The following FRAS1 variants were observed in gnomAD, a reference collection of about 807,000 sequenced individuals.
The protein encoded by FRAS1 is extracellular matrix organizing protein FRAS1.
A neutral mutation model predicts 435.2 loss-of-function variants in FRAS1; 290 were observed. The observed-to-expected ratio is 0.67, with a 90% confidence interval of 0.61 to 0.73. FRAS1 has a LOEUF of 0.73. Among genes scored for constraint, FRAS1 ranks in the 30% least tolerant of loss-of-function variants. The probability of loss-of-function intolerance (pLI) is 0.00; values close to 1 mark genes in which losing one functional copy is unlikely to be tolerated. For synonymous variants in FRAS1, 1,800 were observed against 1,851.0 expected (o/e 0.97, Z 0.71); for missense variants, 4,860 against 5,001.5 (o/e 0.97, Z 0.85).
At chr4:78,117,798 GT>G (rs1484326719) in intron 2 of FRAS1, among the ~76,000 whole-genome samples, 2 of 152,218 alleles carry the variant, frequency 1.3e-5, no homozygotes, top group African/African-American at 4.8e-5. Flanking sequence ...GCTCGGAGTA[GT>G]TTGATCGTCT....
Position 78,067,867 on chromosome 4 carries a change from T to A in FRAS1, c.108+1851T>A, listed in dbSNP as rs1040931087. ...CACCACCACACCCAGCCAATTTTTT[T>A]TTTTTTTTGTATTTTTAGTAGAGAC... is the stretch of plus-strand genomic sequence containing the variant. On this transcript the variant is annotated intron_variant, in intron 2 of 73. Coordinates refer to ENST00000512123, the MANE Select transcript of FRAS1 (RefSeq NM_025074.7). Among the ~76,000 whole-genome samples the A allele has an allele frequency of 2.7e-5, 4 of 149,124 alleles. No homozygotes were observed. The Admixed American group carries it at 2.7e-4, about 10-fold the overall frequency.
At chr4:78,379,481 A>G in intron 26 of FRAS1, 4 of 459,786 alleles carry the variant, frequency 8.7e-6, no homozygotes, top group Non-Finnish European at 1.5e-5. Flanking sequence ...AAGAGACATC[A>G]TGTGTATTCT....
At chr4:78,323,966 G>T (rs780743262) in intron 18 of FRAS1, among the ~76,000 whole-genome samples, 2 of 152,148 alleles carry the variant, frequency 1.3e-5, no homozygotes, top group African/African-American at 2.4e-5. Flanking sequence ...TGGGGGTGAG[G>T]TCTGAGTTGC....
chr4:78,438,731 T>G lies in FRAS1; in HGVS notation c.5366+13T>G, dbSNP rs2170899. The G allele has an allele frequency of 0.36, 564,457 of 1,566,774 alleles. 105,191 individuals carry two copies. The highest frequency in any genetic ancestry group is 0.44 in the Admixed American group (22,716 of 51,180). On this transcript the variant is annotated intron_variant, in intron 39 of 73. Coordinates refer to ENST00000512123, the MANE Select transcript of FRAS1 (RefSeq NM_025074.7). ...ACAAGAAAATCAGGTACATAATCAC[T>G]TTGTATTATTTGACAGATTCTTAAA... is the stretch of plus-strand genomic sequence containing the variant.
At chr4:78,241,978 T>A (rs1228562226) in intron 3 of FRAS1, among the ~76,000 whole-genome samples, 3 of 152,068 alleles carry the variant, frequency 2.0e-5, no homozygotes, top group South Asian at 4.1e-4. Context: ...GAAGGCAACA[T>A]AGGAATCAGA....
intron 2 of FRAS1, among the ~76,000 whole-genome samples, chr4:78,150,003 G>A (rs1720576957): frequency 6.6e-6 from 1 of 152,174 alleles, no homozygotes; most frequent in Admixed American, 6.5e-5. Flanking sequence ...GTACATCAGT[G>A]GCGAATCCTT....
intron 51 of FRAS1, among the ~76,000 whole-genome samples, chr4:78,471,867 C>A (rs1038148563): frequency 6.6e-6 from 1 of 152,204 alleles, no homozygotes; most frequent in Non-Finnish European, 1.5e-5. Flanking sequence ...CCTTCAACTC[C>A]AGATGAAATT....
At chr4:78,304,219 G>A (rs975743558) in intron 14 of FRAS1, among the ~76,000 whole-genome samples, 3 of 151,866 alleles carry the variant, frequency 2.0e-5, no homozygotes, top group African/African-American at 7.3e-5. Flanking sequence ...CTTGATCATG[G>A]TGGATAACCT....
At chr4:78,231,438 T>A (rs1349706660) in intron 2 of FRAS1, among the ~76,000 whole-genome samples, 2 of 152,038 alleles carry the variant, frequency 1.3e-5, no homozygotes, top group African/African-American at 4.8e-5. Context: ...CACAGTTTGT[T>A]TCTATGCACA....
intron 31 of FRAS1, among the ~76,000 whole-genome samples, chr4:78,408,761 A>G (rs1467833324): frequency 6.6e-6 from 1 of 152,232 alleles, no homozygotes; most frequent in Non-Finnish European, 1.5e-5. Flanking sequence ...AGGGTTTGTT[A>G]TTACCATTTA....
rs1389687150 is a variant in FRAS1 at position 78,496,948 on chromosome 4, C to T, written c.9102C>T (p.Ser3034=). The T allele has an allele frequency of 1.9e-6, 3 of 1,612,894 alleles. No individual in the cohort carries two copies. Residue 3034 remains serine (S), a synonymous_variant, in exon 60 of 74, where the codon TCC becomes TCT. Coordinates refer to ENST00000512123, the MANE Select transcript of FRAS1 (RefSeq NM_025074.7). The stretch of plus-strand genomic sequence containing the variant: ...ATAACATGGCCACCATCACCATATC[C>T]AATGATGAAGATGGTAACAGAAGAA... ...GKNNMATITI[S]NDEDAPTIEF...
At chr4:78,103,466 G>C (rs550663031) in intron 2 of FRAS1, among the ~76,000 whole-genome samples, 15 of 152,260 alleles carry the variant, frequency 9.9e-5, no homozygotes, top group South Asian at 6.2e-4. Context: ...GATCTGGGGA[G>C]AGAATAGAGA....
intron 27 of FRAS1, among the ~76,000 whole-genome samples, chr4:78,381,366 C>T (rs935989737): frequency 2.6e-5 from 4 of 152,188 alleles, no homozygotes; most frequent in Admixed American, 2.0e-4. Context: ...TACAGTGGCA[C>T]GATCTTGGCT....
intron 2 of FRAS1, among the ~76,000 whole-genome samples, chr4:78,154,604 T>C (rs1000214316): frequency 6.6e-6 from 1 of 152,162 alleles, no homozygotes; most frequent in Non-Finnish European, 1.5e-5. Flanking sequence ...GGTCAGAAAG[T>C]GTTACGTTTC....
chr4:78,428,138 C>G (rs1372370864), intron 35 of FRAS1, among the ~76,000 whole-genome samples: 1 of 152,144 alleles, frequency 6.6e-6, no homozygotes, highest in African/African-American at 2.4e-5. Flanking sequence ...ATTCTGCTCT[C>G]GTATTTTCCT....
intron 2 of FRAS1, among the ~76,000 whole-genome samples, chr4:78,077,332 T>A (rs1305505945): frequency 6.6e-6 from 1 of 152,188 alleles, no homozygotes; most frequent in Admixed American, 6.5e-5. Flanking sequence ...ATCATACCAC[T>A]GCACTCCAGC....
At chr4:78,470,302 T>C (rs1055727953) in intron 51 of FRAS1, among the ~76,000 whole-genome samples, 1 of 152,212 alleles carries the variant, frequency 6.6e-6, no homozygotes, top group Admixed American at 6.5e-5. Context: ...AAGATGCTCT[T>C]TGAAAAGACC....
chr4:78,118,291 G>T (rs569607401), intron 2 of FRAS1, among the ~76,000 whole-genome samples: 9 of 152,298 alleles, frequency 5.9e-5, no homozygotes, highest in Admixed American at 3.9e-4. Flanking sequence ...ACCCACTTGA[G>T]GAGGCAGTCT....
intron 2 of FRAS1, among the ~76,000 whole-genome samples, chr4:78,125,333 A>G (rs752597917): frequency 7.2e-5 from 11 of 152,154 alleles, no homozygotes; most frequent in Non-Finnish European, 1.2e-4. Flanking sequence ...TTCTAATTTG[A>G]TTGCACTGTG....
Sources: allele counts gnomAD v4.1 joint callset (sites outside exome capture counted in the v4.1 genomes callset), GRCh38; gene constraint gnomAD v4.1.1; transcripts MANE v1.5; gene names NCBI Gene and HGNC (gene_info 2026-07-23, HGNC 2026-07-21).